Variants in CELF2 observed in about 807,000 individuals in gnomAD.
The protein encoded by CELF2 is CUGBP Elav-like family member 2.
A neutral mutation model predicts 62.6 loss-of-function variants in CELF2; 8 were observed. The observed-to-expected ratio is 0.13, with a 90% CI of 0.07 to 0.23. The LOEUF (loss-of-function observed/expected upper bound fraction) is 0.23, where lower values mean the gene tolerates loss of function less well. CELF2 is among the 10% of genes least tolerant of loss of function. The probability of loss-of-function intolerance (pLI) is 1.00; values close to 1 mark genes in which losing one functional copy is unlikely to be tolerated. For missense variants in CELF2, 333 were observed against 671.0 expected (o/e 0.50, Z 5.56); for synonymous variants, 258 against 250.0 (o/e 1.03, Z -0.30).
chr10:11,026,340 G>A lies in CELF2; in HGVS notation c.74+8177G>A, dbSNP rs111634328. Among the ~76,000 whole-genome samples the A allele has an allele frequency of 6.8e-4, 104 of 152,318 alleles. 1 individual carries two copies. Among genetic ancestry groups the A allele is most frequent in the African/African-American group, 2.5e-3 (102 of 41,558 alleles). ...AGCAGATTCACAAGCCCGGAAGTGG[G>A]TAAATTGGTTTAAACCAACTTAAAT... On this transcript the variant is annotated intron_variant, in intron 1 of 12. Transcript: ENST00000633077.
chr10:10,628,448 A>G, the CELF2 span, among the ~76,000 whole-genome samples: 1 of 152,090 alleles, frequency 6.6e-6, no homozygotes, highest in Non-Finnish European at 1.5e-5. Context: ...ATTCTCCCCC[A>G]AAATGTATGA....
At position 11,247,941 on chromosome 10, in the gene CELF2, C is replaced by T. The variant is rs966683569; in HGVS notation, c.355-1212C>T. ...CCTCCTCTGTTCTGAAGACCCAGGC[C>T]GGCATTAGGTGCACGTGATCCTGAC... On this transcript the variant is annotated intron_variant, in intron 3 of 12. Coordinates refer to ENST00000633077, the MANE Select transcript of CELF2 (RefSeq NM_001326342.2). The surrounding 1 kb of genome is among the most constrained non-coding windows in gnomAD (Gnocchi z 5.4). Among the ~76,000 whole-genome samples the T allele has an allele frequency of 6.6e-6, 1 of 152,124 alleles. No homozygotes were observed. The highest frequency in any genetic ancestry group is 1.5e-5 in the Non-Finnish European group (1 of 68,036).
intron 1 of CELF2, among the ~76,000 whole-genome samples, chr10:10,813,579 C>T (rs2131789810): frequency 1.3e-5 from 2 of 152,314 alleles, no homozygotes; most frequent in South Asian, 4.1e-4. Flanking sequence ...CCTTGGCTGC[C>T]ATTATTATTG....
At chr10:10,998,848 C>G (rs561119355) in intron 2 of CELF2, among the ~76,000 whole-genome samples, 1 of 152,324 alleles carries the variant, frequency 6.6e-6, no homozygotes, top group Admixed American at 6.5e-5. Flanking sequence ...CCCTCCTGCT[C>G]CCATTGCTCC....
chr10:11,321,485 C>A lies in CELF2; in HGVS notation c.1294+99C>A. 8 of 892,336 alleles carry A rather than the reference C, an allele frequency of 9.0e-6. No homozygotes were observed. Among genetic ancestry groups the A allele is most frequent in the East Asian group, 2.7e-5 (1 of 37,540 alleles). The allele number at this position is 892,336 out of a possible 1,614,324, so 55.3% of individuals were successfully genotyped here. A position where few individuals can be genotyped will look rare whatever the true frequency, so the allele number is the denominator to read the frequency against. ...GTATCAAATTGAACTGAACCCATGT[C>A]ATAACAGAAAGCAGTTGTTTTGTTA... is the stretch of plus-strand genomic sequence containing the variant. On this transcript the variant is annotated intron_variant, in intron 11 of 12. Coordinates refer to ENST00000633077, the MANE Select transcript of CELF2 (RefSeq NM_001326342.2). The surrounding 1 kb of genome is among the most constrained non-coding windows in gnomAD (Gnocchi z 6.2).
At chr10:10,506,670 A>ATTTTTTTTTTTTTTT in the CELF2 span, among the ~76,000 whole-genome samples, 183 of 64,572 alleles carry the variant, frequency 2.8e-3, 36 homozygotes, top group South Asian at 6.8e-3. Flanking sequence ...CCTCCTGTGA[A>ATTTTTTTTTTTTTTT]TTTTTTTTTT....
rs1456177395 is a variant in CELF2, at chr10:10,938,801, G to A, written c.89+18802G>A. Among the ~76,000 whole-genome samples the A allele has an allele frequency of 2.0e-5, 3 of 152,308 alleles. No homozygotes were observed. The highest frequency in any genetic ancestry group is 2.1e-4 in the South Asian group (1 of 4,828). ...GCCTGGACAACTCAGGCTCGAGCCC[G>A]CTGGGGACCCCGTGAAGCACTGCCC... On this transcript the variant is annotated intron_variant, in intron 2 of 13. Coordinates refer to the CELF2 transcript ENST00000636488. This position sits in a 1 kb window ranked among gnomAD's most constrained non-coding sequence, Gnocchi z 4.2.
chr10:10,624,294 C>T, the CELF2 span, among the ~76,000 whole-genome samples: 1 of 152,202 alleles, frequency 6.6e-6, no homozygotes, highest in Admixed American at 6.5e-5. Flanking sequence ...TTACAGTCCT[C>T]AACTAGAAAT....
chr10:11,248,893 C>T (rs935513391), intron 3 of CELF2, among the ~76,000 whole-genome samples: 4 of 152,168 alleles, frequency 2.6e-5, no homozygotes, highest in Non-Finnish European at 4.4e-5. Flanking sequence ...GTGGCAGAAC[C>T]AGGTTTCACA....
At chr10:10,865,252 A>G (rs1479143125) in intron 1 of CELF2, among the ~76,000 whole-genome samples, 1 of 152,216 alleles carries the variant, frequency 6.6e-6, no homozygotes, top group Non-Finnish European at 1.5e-5. Context: ...TAATGGGATT[A>G]TCTCTGAAGC....
At chr10:11,144,128 G>T (rs1414757109) in intron 1 of CELF2, among the ~76,000 whole-genome samples, 1 of 152,020 alleles carries the variant, frequency 6.6e-6, no homozygotes, top group South Asian at 2.1e-4. Context: ...ATTTCATAAT[G>T]TTAGAACAAA....
chr10:11,070,817 A>G lies in CELF2; in HGVS notation c.74+52654A>G, dbSNP rs115757473. 2.2e-3 allele frequency among the ~76,000 whole-genome samples: 340 copies of G among 152,324 alleles called. 1 individual carries two copies. Among genetic ancestry groups the G allele is most frequent in the African/African-American group, 7.4e-3 (308 of 41,570 alleles). ...GGAAGGGTGCATAGCATCAGTTGCT[A>G]CTAAGGAGTCTAGTAAGAGGAAAAC... is the stretch of plus-strand genomic sequence containing the variant. On this transcript the variant is annotated intron_variant, in intron 1 of 12. Transcript: ENST00000633077.
chr10:11,251,525 A>G (rs1344617764), intron 4 of CELF2, among the ~76,000 whole-genome samples: 2 of 151,996 alleles, frequency 1.3e-5, no homozygotes, highest in Admixed American at 6.5e-5. Flanking sequence ...CGTTATTTCT[A>G]GGATAAGACG....
chr10:10,552,652 C>G, the CELF2 span, among the ~76,000 whole-genome samples: 1 of 152,140 alleles, frequency 6.6e-6, no homozygotes, highest in Non-Finnish European at 1.5e-5. Flanking sequence ...GTCTGCATCA[C>G]GGCTAGAGAG....
chr10:11,025,177 C>A (rs1472242151), intron 1 of CELF2, among the ~76,000 whole-genome samples: 1 of 149,934 alleles, frequency 6.7e-6, no homozygotes, highest in Non-Finnish European at 1.5e-5. Context: ...GGTCAGTAGG[C>A]CTGAAATATG....
At chr10:11,180,300 C>T (rs1479061452) in intron 2 of CELF2, among the ~76,000 whole-genome samples, 1 of 152,126 alleles carries the variant, frequency 6.6e-6, no homozygotes, top group Non-Finnish European at 1.5e-5. Flanking sequence ...GGGTGGTGGT[C>T]GAGAACAGGG....
intron 1 of CELF2, among the ~76,000 whole-genome samples, chr10:10,908,653 TTAAC>T (rs1489682196): frequency 6.6e-6 from 1 of 152,196 alleles, no homozygotes; most frequent in East Asian, 1.9e-4. Context: ...AAAACCAACA[TTAAC>T]AACAACAACA....
At chr10:10,921,031 T>G (rs757182172) in intron 2 of CELF2, among the ~76,000 whole-genome samples, 6 of 152,082 alleles carry the variant, frequency 3.9e-5, no homozygotes, top group Non-Finnish European at 8.8e-5. Context: ...CTCAACTCAC[T>G]GCAACTTCCA....
intron 1 of CELF2, among the ~76,000 whole-genome samples, chr10:11,050,374 G>T (rs1176925271): frequency 6.6e-6 from 1 of 152,186 alleles, no homozygotes; most frequent in Non-Finnish European, 1.5e-5. Context: ...TTGGGCTTGG[G>T]TTTCAGATAC....
Sources: allele counts gnomAD v4.1 joint callset (sites outside exome capture counted in the v4.1 genomes callset), GRCh38; gene constraint gnomAD v4.1.1; non-coding constraint Gnocchi (gnomAD v3.1); transcripts MANE v1.5; gene names NCBI Gene and HGNC (gene_info 2026-07-23, HGNC 2026-07-21).